The following LOC122539214 variants were observed in gnomAD, a reference collection of about 807,000 sequenced individuals.
At chr19:52,652,990 C>T in the LOC122539214 span, 19 of 1,363,634 alleles carry the variant, frequency 1.4e-5, no homozygotes, top group South Asian at 2.1e-4. Context: ...AGGTTTCTCT[C>T]CAGTATGAAC....
At chr19:52,677,680 T>C in the LOC122539214 span, among the ~76,000 whole-genome samples, 2 of 135,586 alleles carry the variant, frequency 1.5e-5, no homozygotes, top group Non-Finnish European at 3.1e-5. Context: ...AGTACAGCAA[T>C]GGGGGAGACC....
the LOC122539214 span, among the ~76,000 whole-genome samples, chr19:52,664,611 T>C: frequency 2.6e-5 from 4 of 152,054 alleles, no homozygotes; most frequent in Non-Finnish European, 4.4e-5. Context: ...TCTGTGCCAA[T>C]TAGGGCAGGA....
the LOC122539214 span, chr19:52,652,413 CAA>C: frequency 2.7e-6 from 1 of 364,190 alleles, no homozygotes; most frequent in African/African-American, 2.2e-5. Context: ...CCAGCCTGGA[CAA>C]AAGAGTAAGA....
chr19:52,689,830 A>G, the LOC122539214 span, among the ~76,000 whole-genome samples: 2 of 152,084 alleles, frequency 1.3e-5, no homozygotes, highest in Admixed American at 1.3e-4. Context: ...GGAGGAGCTT[A>G]TTTTCCAGGG....
chr19:52,659,453 A>G, the LOC122539214 span, among the ~76,000 whole-genome samples: 1 of 152,168 alleles, frequency 6.6e-6, no homozygotes, highest in East Asian at 1.9e-4. Flanking sequence ...CAGTTGCTTA[A>G]GGCTACTGGT....
the LOC122539214 span, among the ~76,000 whole-genome samples, chr19:52,687,609 AT>A: frequency 0.024 from 470 of 19,270 alleles, 11 homozygotes; most frequent in African/African-American, 0.17. Context: ...GTATATATAT[AT>A]AATGTGTATA....
At chr19:52,652,837 T>C in the LOC122539214 span, 3 of 949,376 alleles carry the variant, frequency 3.2e-6, no homozygotes, top group Non-Finnish European at 1.7e-6. Context: ...ATGAAGTCTA[T>C]GATGGCATAC....
the LOC122539214 span, chr19:52,655,342 T>C: frequency 2.2e-6 from 1 of 445,936 alleles, no homozygotes; most frequent in Non-Finnish European, 4.0e-6. Flanking sequence ...ATTCTATTAG[T>C]CAAAGTGTTC....
chr19:52,680,126 A>G, the LOC122539214 span, among the ~76,000 whole-genome samples: 3 of 152,116 alleles, frequency 2.0e-5, no homozygotes, highest in East Asian at 3.9e-4. Flanking sequence ...TTGTGGTAAG[A>G]AGAGATCACA....
the LOC122539214 span, among the ~76,000 whole-genome samples, chr19:52,680,604 A>ATTTTT: frequency 4.4e-5 from 4 of 89,926 alleles, no homozygotes; most frequent in Admixed American, 1.2e-4. Flanking sequence ...TTTCCACAAA[A>ATTTTT]TATTTTTTTT....
chr19:52,667,835 TATTAAA>T, the LOC122539214 span, among the ~76,000 whole-genome samples: 1 of 152,360 alleles, frequency 6.6e-6, no homozygotes, highest in East Asian at 1.9e-4. Flanking sequence ...TACAAGGTTT[TATTAAA>T]ATTAAGTTTA....
At chr19:52,654,119 T>A in the LOC122539214 span, 4 of 1,605,460 alleles carry the variant, frequency 2.5e-6, no homozygotes, top group Non-Finnish European at 3.4e-6. Context: ...GAATAAAAGC[T>A]TGATCCAAGC....
chr19:52,686,391 T>G, the LOC122539214 span, among the ~76,000 whole-genome samples: 1 of 150,922 alleles, frequency 6.6e-6, no homozygotes, highest in East Asian at 1.9e-4. Flanking sequence ...CTTTCAGAAG[T>G]GATTAAGTAT....
chr19:52,672,405 T>C, the LOC122539214 span, among the ~76,000 whole-genome samples: 3 of 152,128 alleles, frequency 2.0e-5, no homozygotes, highest in Non-Finnish European at 4.4e-5. Context: ...TAAAATATGA[T>C]TACATTTAGA....
the LOC122539214 span, chr19:52,655,470 T>C: frequency 8.3e-7 from 1 of 1,200,480 alleles, no homozygotes; most frequent in Non-Finnish European, 1.2e-6. Context: ...AAAGCATGTA[T>C]GCGGCAAAAT....
the LOC122539214 span, chr19:52,653,060 T>G: frequency 4.7e-6 from 7 of 1,487,354 alleles, no homozygotes; most frequent in Admixed American, 1.2e-4. Context: ...TCATTACACT[T>G]GTAAGGTTTC....
At chr19:52,659,330 C>A in the LOC122539214 span, among the ~76,000 whole-genome samples, 2,956 of 152,120 alleles carry the variant, frequency 0.019, 39 homozygotes, top group Middle Eastern at 0.068. Flanking sequence ...ATCAGTAAGT[C>A]ATTGGTGCCC....
chr19:52,663,749 T>C, the LOC122539214 span, among the ~76,000 whole-genome samples: 3 of 152,096 alleles, frequency 2.0e-5, no homozygotes, highest in African/African-American at 7.2e-5. Flanking sequence ...AAAAACAATT[T>C]TAAAATGGTT....
chr19:52,663,288 C>G, the LOC122539214 span, among the ~76,000 whole-genome samples: 2 of 152,134 alleles, frequency 1.3e-5, no homozygotes, highest in Admixed American at 6.5e-5. Context: ...AGAAAAATGA[C>G]AGTAATACGT....
Sources: allele counts gnomAD v4.1 joint callset (sites outside exome capture counted in the v4.1 genomes callset), GRCh38; gene constraint gnomAD v4.1.1; transcripts MANE v1.5.